MACROD2: variants seen among roughly 807,000 people sequenced by gnomAD.
MACROD2 encodes mono-ADP ribosylhydrolase 2.
Under a neutral mutation model 70.4 loss-of-function variants are expected in MACROD2, and 36 were observed. The observed-to-expected ratio is 0.51, with a 90% CI of 0.39 to 0.68. The LOEUF is 0.68. Among genes scored for constraint, MACROD2 ranks in the 30% least tolerant of loss-of-function variants. The pLI, the probability that MACROD2 is intolerant of heterozygous loss-of-function variation, is 0.00. For synonymous variants in MACROD2, 172 were observed against 178.8 expected (o/e 0.96, Z 0.30); for missense variants, 496 against 538.4 (o/e 0.92, Z 0.78).
At chr20:15,866,774 G>A (rs1461376103) in intron 9 of MACROD2, among the ~76,000 whole-genome samples, 1 of 152,106 alleles carries the variant, frequency 6.6e-6, no homozygotes, top group Non-Finnish European at 1.5e-5. Context: ...CTTCTAATAT[G>A]AGTTGAATTA....
At chr20:15,234,264 C>T (rs1316631779) in intron 6 of MACROD2, among the ~76,000 whole-genome samples, 1 of 149,492 alleles carries the variant, frequency 6.7e-6, no homozygotes, top group Non-Finnish European at 1.5e-5. Flanking sequence ...GATCTCCTGA[C>T]CTCGTGATCC....
chr20:14,028,329 A>C (rs943071083), intron 2 of MACROD2, among the ~76,000 whole-genome samples: 19 of 150,932 alleles, frequency 1.3e-4, no homozygotes, highest in African/African-American at 4.6e-4. Context: ...AGCAAGAATT[A>C]CAAGCCAGTG....
chr20:14,793,718 C>T (rs112288238), intron 5 of MACROD2, among the ~76,000 whole-genome samples: 1 of 152,020 alleles, frequency 6.6e-6, no homozygotes, highest in African/African-American at 2.4e-5. Context: ...TAGGCTGAGA[C>T]CTCCACCCAG....
At chr20:15,157,023 G>A (rs1250466365) in intron 5 of MACROD2, among the ~76,000 whole-genome samples, 1 of 152,174 alleles carries the variant, frequency 6.6e-6, no homozygotes, top group Non-Finnish European at 1.5e-5. Context: ...CAATTTCCTA[G>A]TCCATTACTG....
rs146675869 is a variant in MACROD2 at position 14,840,872 on chromosome 20, G to T, written c.418+155913G>T. On this transcript the variant is annotated intron_variant, in intron 5 of 17. Coordinates refer to ENST00000684519, the MANE Select transcript of MACROD2 (RefSeq NM_001351661.2). ...TGAAAAATGGAATTTGGCTTAAAGAGTGCAGGGCTAGTATGAGGACACTGC... is the reference window on the plus strand; with the variant it reads ...TGAAAAATGGAATTTGGCTTAAAGATTGCAGGGCTAGTATGAGGACACTGC... Among the ~76,000 whole-genome samples the T allele has an allele frequency of 9.1e-4, 139 of 152,204 alleles. 2 individuals are homozygous for T. Among genetic ancestry groups the T allele is most frequent in the African/African-American group, 3.2e-3 (131 of 41,554 alleles).
rs538914381 is a variant in MACROD2, at chr20:14,808,475, A to G, written c.418+123516A>G. Among the ~76,000 whole-genome samples, 154 of 152,220 alleles carry G rather than the reference A, an allele frequency of 1.0e-3. 1 individual carries two copies. The highest frequency in any genetic ancestry group is 6.8e-3 in the Middle Eastern group (2 of 294). On this transcript the variant is annotated intron_variant, in intron 5 of 17. Coordinates refer to ENST00000684519, the MANE Select transcript of MACROD2 (RefSeq NM_001351661.2). ...GGAAAAACCAGTACCAGCCACTGCA[A>G]AAACAACCCAAAATGTAAAGACTAT...
At chr20:15,820,611 A>G (rs2063929116) in intron 8 of MACROD2, among the ~76,000 whole-genome samples, 2 of 152,224 alleles carry the variant, frequency 1.3e-5, no homozygotes, top group Admixed American at 1.3e-4. Flanking sequence ...GGCCTGTCAG[A>G]ACTGGGAATA....
At chr20:15,822,045 C>T (rs938747798) in intron 8 of MACROD2, among the ~76,000 whole-genome samples, 16 of 152,212 alleles carry the variant, frequency 1.1e-4, no homozygotes, top group South Asian at 2.1e-4. Context: ...AATTATTATG[C>T]GATTGCTGTT....
chr20:14,003,977 A>C (rs2052774763), intron 2 of MACROD2, among the ~76,000 whole-genome samples: 1 of 152,182 alleles, frequency 6.6e-6, no homozygotes, highest in Non-Finnish European at 1.5e-5. Flanking sequence ...TTTCAGCAGC[A>C]GCACTATCTT....
intron 3 of MACROD2, among the ~76,000 whole-genome samples, chr20:14,235,055 G>A (rs577152611): frequency 6.6e-6 from 1 of 152,124 alleles, no homozygotes; most frequent in South Asian, 2.1e-4. Flanking sequence ...CTATTTATAG[G>A]TGGTAATTGG....
At chr20:14,123,483 A>G (rs2054609475) in intron 3 of MACROD2, among the ~76,000 whole-genome samples, 1 of 152,150 alleles carries the variant, frequency 6.6e-6, no homozygotes, top group South Asian at 2.1e-4. Flanking sequence ...CCCCAGCTCC[A>G]TGCTTCACCT....
At chr20:15,026,105 C>A (rs1182454051) in intron 5 of MACROD2, among the ~76,000 whole-genome samples, 1 of 148,814 alleles carries the variant, frequency 6.7e-6, no homozygotes, top group Non-Finnish European at 1.5e-5. Context: ...TAGTATTTCC[C>A]AGTCTTCAGG....
At chr20:15,295,270 A>G (rs562979502) in intron 6 of MACROD2, among the ~76,000 whole-genome samples, 11 of 152,314 alleles carry the variant, frequency 7.2e-5, no homozygotes, top group Admixed American at 6.5e-4. Context: ...CTTTTTCTTT[A>G]GAAATCTCCC....
chr20:16,041,793 T>C (rs2067311783), intron 16 of MACROD2, among the ~76,000 whole-genome samples: 1 of 151,992 alleles, frequency 6.6e-6, no homozygotes, highest in Non-Finnish European at 1.5e-5. Context: ...TCAAACAACC[T>C]TTAAAAACTT....
intron 5 of MACROD2, among the ~76,000 whole-genome samples, chr20:15,157,349 A>ACCACCCCC (rs2076314244): frequency 9.1e-6 from 1 of 109,400 alleles, no homozygotes; most frequent in Non-Finnish European, 1.9e-5. Context: ...CTAATTAACC[A>ACCACCCCC]CCCCCCCCCA....
At chr20:15,101,483 G>T (rs2075871889) in intron 5 of MACROD2, among the ~76,000 whole-genome samples, 1 of 133,712 alleles carries the variant, frequency 7.5e-6, no homozygotes. Flanking sequence ...TATAGCTTAG[G>T]TTGATTATTG....
chr20:15,790,618 T>A (rs563034465), intron 8 of MACROD2, among the ~76,000 whole-genome samples: 2 of 152,016 alleles, frequency 1.3e-5, no homozygotes, highest in South Asian at 4.1e-4. Context: ...AATCTCTAGA[T>A]GGTAGAAAAA....
intron 3 of MACROD2, among the ~76,000 whole-genome samples, chr20:14,212,568 G>T (rs2081579311): frequency 6.6e-6 from 1 of 152,140 alleles, no homozygotes; most frequent in Non-Finnish European, 1.5e-5. Context: ...GCCAGTGTAT[G>T]ACAATGTATT....
At chr20:14,108,495 G>C (rs2054402041) in intron 3 of MACROD2, among the ~76,000 whole-genome samples, 1 of 147,562 alleles carries the variant, frequency 6.8e-6, no homozygotes, top group African/African-American at 2.5e-5. Flanking sequence ...AAAAAAGCTA[G>C]ACCCAATGTC....
Sources: gnomAD v4.1 joint callset for allele counts (sites outside exome capture counted in the v4.1 genomes callset) on GRCh38, gnomAD v4.1.1 for gene constraint, MANE v1.5 for transcripts, NCBI Gene and HGNC (gene_info 2026-07-23, HGNC 2026-07-21) for gene names.